The following TMEM145 variants were observed in gnomAD, a reference collection of about 807,000 sequenced individuals.
TMEM145 encodes the protein transmembrane protein 145.
TMEM145 carries 46 observed loss-of-function variants against 68.5 expected under a neutral mutation model. The ratio of observed to expected loss-of-function variants is 0.67; its 90% CI spans 0.53 to 0.86. TMEM145 has a LOEUF of 0.86. TMEM145 is among the 40% of genes least tolerant of loss of function. TMEM145 has a pLI of 0.00. For synonymous variants in TMEM145, 255 were observed against 280.2 expected, an observed-to-expected ratio of 0.91 and a Z score of 0.90; for missense variants, 570 against 645.8, an observed-to-expected ratio of 0.88 and a Z score of 1.27.
chr19:42,324,670 G>T, intron 14 of TMEM145, 67 bp from the exon 15 acceptor site: 1 of 1,231,442 alleles, frequency 8.1e-7, no homozygotes, highest in Non-Finnish European at 1.0e-6. Context: ...GGTACGCTGC[G>T]TCCCGCCCCC....
Position 42,314,553 on chromosome 19 carries a change from G to C in TMEM145, c.273+25G>C, listed in dbSNP as rs764730987. ...GGTGAGGGCTGTGAAGAGGGCATAG[G>C]GGGAGAGGGGAGAAGGTCGTTGCTG... On this transcript the variant is annotated intron_variant, in intron 3 of 14. Coordinates refer to ENST00000301204, the MANE Select transcript of TMEM145 (RefSeq NM_173633.3). The C allele has an allele frequency of 5.5e-5, 88 of 1,614,028 alleles. No individual in the cohort carries two copies. The South Asian group carries it at 8.3e-4, about 15-fold the overall frequency.
In TMEM145 at chr19:42,325,020, T is replaced by A. The variant is rs1459015393; in HGVS notation, c.*203T>A. The A allele has an allele frequency of 9.1e-6, 7 of 769,472 alleles. No individual in the cohort carries two copies. Among genetic ancestry groups the A allele is most frequent in the Non-Finnish European group, 1.3e-5 (7 of 559,000 alleles). The allele number at this position is 769,472 out of a possible 1,614,324, so 47.7% of individuals were successfully genotyped here. A position where few individuals can be genotyped will look rare whatever the true frequency, so the allele number is the denominator to read the frequency against. On this transcript the variant is annotated 3_prime_UTR_variant, in exon 15 of 15. Transcript: ENST00000301204. The stretch of plus-strand genomic sequence containing the variant: ...TCGGGTCCCTGGCAGAAAGACATTT[T>A]ACCCCTTCTTGCCAAAATAAAAAAG...
chr19:42,317,055 C>T, intron 11 of TMEM145, 92 bp downstream of exon 11: 3 of 1,062,192 alleles, frequency 2.8e-6, no homozygotes, highest in Non-Finnish European at 4.2e-6. Context: ...TGCCCACATC[C>T]TGCTCCTGCT....
rs2038861518 is a variant in TMEM145, at chr19:42,316,724, G to A, written c.790G>A (p.Gly264Arg). Residue 264 changes from glycine (G) to arginine (R), a missense_variant, in exon 10 of 15, where the codon GGA becomes AGA. Transcript: ENST00000301204. ...FLLMLILLGKGFTVTRGRISH... is the reference protein window; with the variant it reads ...FLLMLILLGKRFTVTRGRISH... ...GCTGATGCTTATCCTCCTGGGGAAG[G>A]GATTCACGGTGACACGGTGCCCGGG... 6.2e-7 allele frequency: 1 copy of A among 1,613,548 alleles called. No individual in the cohort carries two copies. The highest frequency in any genetic ancestry group is 8.5e-7 in the Non-Finnish European group (1 of 1,179,980).
At chr19:42,315,552 A>C in intron 8 of TMEM145, 112 bp downstream of exon 8, 1 of 855,404 alleles carries the variant, frequency 1.2e-6, no homozygotes. Context: ...CTGGGGGAGG[A>C]GGGGCTGGGG....
rs573667256 is a variant in TMEM145, at chr19:42,314,626, A to G, written c.287A>G (p.Lys96Arg). 6.2e-7 allele frequency: 1 copy of G among 1,614,172 alleles called. No homozygotes were observed. The highest frequency in any genetic ancestry group is 1.3e-5 in the African/African-American group (1 of 75,044). ...YKAGDKDCLA[K>R]ESVIRPENNQ... The stretch of plus-strand genomic sequence containing the variant: ...TGCCTTCCCCAGGACTGCCTGGCCA[A>G]GGAGTCAGTGATCCGGCCGGAGAAC... Residue 96 changes from lysine (K) to arginine (R), a missense_variant, in exon 4 of 15, where the codon AAG becomes AGG. Transcript: ENST00000301204.
intron 8 of TMEM145, among the ~76,000 whole-genome samples, chr19:42,316,047 A>C (rs2038853250): frequency 6.6e-6 from 1 of 151,130 alleles, no homozygotes. Context: ...AAAACAAAAC[A>C]AAACAAAACA....
chr19:42,318,002 G>A lies in TMEM145; in HGVS notation c.1073+121G>A, dbSNP rs111859050. 4.6e-4 allele frequency: 516 copies of A among 1,113,136 alleles called. 7 individuals carry two copies. In the African/African-American group the frequency reaches 7.0e-3, roughly 15 times the overall value. 69.0% of individuals were successfully genotyped at this position (1,113,136 alleles called of 1,614,324 possible). A position where few individuals can be genotyped will look rare whatever the true frequency, so the allele number is the denominator to read the frequency against. ...TGGACTTTTCACTCAGGCAGCTGTT[G>A]CCCAGAATCTGCCACTTACTCACTT... On this transcript the variant is annotated intron_variant, in intron 12 of 14. Transcript: ENST00000301204.
In TMEM145 at chr19:42,313,570, C is replaced by G. The variant is rs995248354; in HGVS notation, c.120+74C>G. The G allele has an allele frequency of 2.3e-5, 27 of 1,155,040 alleles. No homozygotes were observed. The highest frequency in any genetic ancestry group is 3.0e-5 in the Non-Finnish European group (27 of 910,614). The allele number at this position is 1,155,040 out of a possible 1,614,324, so 71.5% of individuals were successfully genotyped here. On this transcript the variant is annotated intron_variant, in intron 1 of 14. Transcript: ENST00000301204. This position sits in a 1 kb window ranked among gnomAD's most constrained non-coding sequence, Gnocchi z 5.1. ...CAAGGGAGGCGAGGGGAGCGGGTAC[C>G]GCCTCGCCCCCTGCCGCCCCTCCTG...
chr19:42,317,338 C>T (rs1440472271), intron 11 of TMEM145, among the ~76,000 whole-genome samples: 1 of 152,108 alleles, frequency 6.6e-6, no homozygotes, highest in Non-Finnish European at 1.5e-5. Flanking sequence ...TCTTACCTAC[C>T]CCATGGAGCC....
Position 42,313,619 on chromosome 19 carries a change from A to T in TMEM145, c.120+123A>T. 3 of 729,556 alleles carry T rather than the reference A, an allele frequency of 4.1e-6. No individual in the cohort carries two copies. Among genetic ancestry groups the T allele is most frequent in the Non-Finnish European group, 5.7e-6 (3 of 528,836 alleles). 45.2% of individuals were successfully genotyped at this position (729,556 alleles called of 1,614,324 possible). On this transcript the variant is annotated intron_variant, in intron 1 of 14. Coordinates refer to ENST00000301204, the MANE Select transcript of TMEM145 (RefSeq NM_173633.3). The surrounding 1 kb of genome is among the most constrained non-coding windows in gnomAD (Gnocchi z 5.1). ...TGGCGGACTCCGGGAGCCTCGGGGG[A>T]GTGGGGCCGAGGGCGATGGGGGACT... is the stretch of plus-strand genomic sequence containing the variant.
chr19:42,320,156 C>T (rs758576335), intron 12 of TMEM145, among the ~76,000 whole-genome samples, 161 bp from the exon 13 acceptor site: 4 of 152,210 alleles, frequency 2.6e-5, no homozygotes, highest in Non-Finnish European at 5.9e-5. Flanking sequence ...CCAGTCCAGT[C>T]CTGCCCCATT....
At chr19:42,320,646 G>C (rs78149759) in intron 13 of TMEM145, among the ~76,000 whole-genome samples, 5 of 144,724 alleles carry the variant, frequency 3.5e-5, no homozygotes. Flanking sequence ...TTTTTTTTTC[G>C]AGACAGAGTC....
intron 14 of TMEM145, chr19:42,324,531 C>T (rs1293957439): frequency 2.0e-5 from 20 of 985,218 alleles, no homozygotes; most frequent in African/African-American, 5.2e-5. Flanking sequence ...GTCTGAGCAC[C>T]CCTGCCCGCC....
intron 14 of TMEM145, chr19:42,324,280 C>T (rs1203716670): frequency 6.1e-6 from 6 of 985,140 alleles, no homozygotes; most frequent in Non-Finnish European, 7.2e-6. Flanking sequence ...CCTCCCAGGC[C>T]GGGAAGCAGG....
chr19:42,313,605 G>C lies in TMEM145; in HGVS notation c.120+109G>C, dbSNP rs1024857745. The stretch of plus-strand genomic sequence containing the variant: ...CCTGCCGCCCCTCCTGGCGGACTCC[G>C]GGAGCCTCGGGGGAGTGGGGCCGAG... On this transcript the variant is annotated intron_variant, in intron 1 of 14. Coordinates refer to ENST00000301204, the MANE Select transcript of TMEM145 (RefSeq NM_173633.3). This position sits in a 1 kb window ranked among gnomAD's most constrained non-coding sequence, Gnocchi z 5.1. The C allele has an allele frequency of 1.4e-5, 12 of 871,266 alleles. No homozygotes were observed. The African/African-American group carries it at 1.8e-4, about 13-fold the overall frequency. 54.0% of individuals were successfully genotyped at this position (871,266 alleles called of 1,614,324 possible).
rs573992131 is a variant in TMEM145 at position 42,323,702 on chromosome 19, G to A, written c.1314G>A (p.Pro438=). The A allele has an allele frequency of 3.1e-6, 5 of 1,614,048 alleles. No individual in the cohort carries two copies. The African/African-American group carries it at 4.0e-5, about 13-fold the overall frequency. ...GCCAATCCGCTGACAAGGCCTTCCCGCAGCACGTCTATGGGAACGTGACGT... is the reference window on the plus strand; with the variant it reads ...GCCAATCCGCTGACAAGGCCTTCCCACAGCACGTCTATGGGAACGTGACGT... ...GGSQSADKAF[P]QHVYGNVTFI... Residue 438 remains proline, a synonymous_variant, in exon 14 of 15, where the codon CCG becomes CCA. Transcript: ENST00000301204.
Position 42,313,322 on chromosome 19 carries a change from T to C in TMEM145, c.-55T>C. The stretch of plus-strand genomic sequence containing the variant: ...GCTGGCCAGCCCGCGCGCTCTCGCC[T>C]CCATTGCCGGGCCAGTGCGGGAGCC... On this transcript the variant is annotated 5_prime_UTR_variant, in exon 1 of 15. Coordinates refer to ENST00000301204, the MANE Select transcript of TMEM145 (RefSeq NM_173633.3). The surrounding 1 kb of genome is among the most constrained non-coding windows in gnomAD (Gnocchi z 5.1). 2 of 675,798 alleles carry C rather than the reference T, an allele frequency of 3.0e-6. No individual in the cohort carries two copies. Among genetic ancestry groups the C allele is most frequent in the Non-Finnish European group, 4.1e-6 (2 of 488,104 alleles). 41.9% of individuals were successfully genotyped at this position (675,798 alleles called of 1,614,324 possible).
In TMEM145 at chr19:42,315,367, C is replaced by G; in HGVS notation, c.578-5C>G. 1.2e-6 allele frequency: 2 copies of G among 1,614,144 alleles called. No individual in the cohort carries two copies. The highest frequency in any genetic ancestry group is 1.7e-6 in the Non-Finnish European group (2 of 1,180,010). ...TGGACAGCCTTTCCCTACCTTGCTT[C>G]CTAGATTTGCTGAAAGGTCGTCAGT... is the stretch of plus-strand genomic sequence containing the variant. On this transcript the variant is annotated splice_region_variant and splice_polypyrimidine_tract_variant and intron_variant, in intron 7 of 14. Transcript: ENST00000301204.
Sources: gnomAD v4.1 joint callset for allele counts (sites outside exome capture counted in the v4.1 genomes callset) on GRCh38, gnomAD v4.1.1 for gene constraint, Gnocchi (gnomAD v3.1) non-coding constraint, MANE v1.5 for transcripts, NCBI Gene and HGNC (gene_info 2026-07-23, HGNC 2026-07-21) for gene names.